Variants in ARHGAP39 observed in about 807,000 individuals in gnomAD.
ARHGAP39 encodes Rho GTPase activating protein 39, also known as rho GTPase-activating protein 39.
In ARHGAP39, 44 loss-of-function variants were observed where a neutral mutation model predicts 106.9. That is an observed-to-expected ratio of 0.41 (90% CI 0.32 to 0.53). The LOEUF is 0.53. Among genes scored for constraint, ARHGAP39 ranks in the 20% least tolerant of loss-of-function variants. The pLI, the probability that ARHGAP39 is intolerant of heterozygous loss-of-function variation, is 0.21. For synonymous variants in ARHGAP39, 768 were observed against 693.2 expected (o/e 1.11, Z -1.69); for missense variants, 1,496 against 1,577.3 (o/e 0.95, Z 0.87).
At chr8:144,567,340 T>C (rs1256351016) in intron 3 of ARHGAP39, among the ~76,000 whole-genome samples, 1 of 152,224 alleles carries the variant, frequency 6.6e-6, no homozygotes, top group Non-Finnish European at 1.5e-5. Flanking sequence ...GCGAGCCTTC[T>C]GTTATGCCCA....
chr8:144,541,778 A>G (rs994789317), intron 6 of ARHGAP39, among the ~76,000 whole-genome samples: 3 of 152,144 alleles, frequency 2.0e-5, no homozygotes, highest in Non-Finnish European at 4.4e-5. Context: ...GATCCTTGTC[A>G]TGTTCCCACC....
rs548905999 is a variant in ARHGAP39, at chr8:144,602,475, G to T, written c.80+3060C>A. Among the ~76,000 whole-genome samples the T allele has an allele frequency of 2.1e-5, 3 of 144,646 alleles. No individual in the cohort carries two copies. The South Asian group carries it at 6.8e-4, about 33-fold the overall frequency. 94.9% of individuals were successfully genotyped at this position (144,646 alleles called of 152,430 possible). A position where few individuals can be genotyped will look rare whatever the true frequency, so the allele number is the denominator to read the frequency against. ...CGAGCTCGTGTACCTGTGCATGTGC[G>T]TGGTGTGTGCGCGAGCTCATGTATC... is the stretch of plus-strand genomic sequence containing the variant. On this transcript the variant is annotated intron_variant, in intron 2 of 11. Transcript: ENST00000377307.
chr8:144,602,814 GTGTGCT>G, intron 2 of ARHGAP39, among the ~76,000 whole-genome samples: 1 of 144,834 alleles, frequency 6.9e-6, no homozygotes, highest in Non-Finnish European at 1.5e-5. Flanking sequence ...ATGGAGGCGT[GTGTGCT>G]CGTGTACCTG....
In ARHGAP39 at chr8:144,585,111, G is replaced by GCT. The variant is rs1478227272; in HGVS notation, c.81-3835_81-3834insAG. On this transcript the variant is annotated intron_variant, in intron 2 of 11. Coordinates refer to ENST00000377307, the MANE Select transcript of ARHGAP39 (RefSeq NM_025251.3). This position sits in a 1 kb window ranked among gnomAD's most constrained non-coding sequence, Gnocchi z 4.6. ...CTCGTCCAGGTGTCTGAAGGGCTTAGACGCCCTCTCCCGATTGGCCCTGTG... is the reference window on the plus strand; with the variant it reads ...CTCGTCCAGGTGTCTGAAGGGCTTAGCTACGCCCTCTCCCGATTGGCCCTGTG... 3.9e-5 allele frequency among the ~76,000 whole-genome samples: 6 copies of GCT among 152,268 alleles called. No homozygotes were observed. The highest frequency in any genetic ancestry group is 3.3e-4 in the Admixed American group (5 of 15,308).
At chr8:144,667,216 C>A (rs1278870229) in intron 1 of ARHGAP39, among the ~76,000 whole-genome samples, 5 of 152,346 alleles carry the variant, frequency 3.3e-5, no homozygotes, top group African/African-American at 9.6e-5. Flanking sequence ...AGCCTGGATG[C>A]CCTCCTGCTC....
chr8:144,543,413 A>T (rs553724760), intron 6 of ARHGAP39, among the ~76,000 whole-genome samples: 1 of 152,346 alleles, frequency 6.6e-6, no homozygotes, highest in Non-Finnish European at 1.5e-5. Context: ...TTCTGGGCTC[A>T]GGGCCAATCA....
At chr8:144,650,820 G>A (rs1222974033) in intron 1 of ARHGAP39, among the ~76,000 whole-genome samples, 1 of 152,130 alleles carries the variant, frequency 6.6e-6, no homozygotes, top group Non-Finnish European at 1.5e-5. Context: ...AAAGCTGGAA[G>A]CATTCCCCTT....
intron 7 of ARHGAP39, 72 bp from the exon 8 acceptor site, chr8:144,534,274 C>G (rs1816863130): frequency 6.4e-7 from 1 of 1,562,088 alleles, no homozygotes; most frequent in Non-Finnish European, 8.8e-7. Flanking sequence ...GGTGAGCAGA[C>G]ACAGCTCCTT....
At chr8:144,689,230 C>CT (rs1297255600), upstream of ARHGAP39, among the ~76,000 whole-genome samples, 1,247 of 146,482 alleles carry the variant, frequency 8.5e-3, 4 homozygotes, top group African/African-American at 0.02. Context: ...GCAAGTTTGA[C>CT]TTTTTTTTTT....
chr8:144,602,554 G>A lies in ARHGAP39; in HGVS notation c.80+2981C>T, dbSNP rs533213128. 3.2e-3 allele frequency among the ~76,000 whole-genome samples: 453 copies of A among 143,402 alleles called. 1 individual carries two copies. The highest frequency in any genetic ancestry group is 5.3e-3 in the Non-Finnish European group (349 of 65,932). The allele number at this position is 143,402 out of a possible 152,430, so 94.1% of individuals were successfully genotyped here. On this transcript the variant is annotated intron_variant, in intron 2 of 11. Coordinates refer to ENST00000377307, the MANE Select transcript of ARHGAP39 (RefSeq NM_025251.3). Reference sequence around the variant, plus strand: ...CGTGTACCTGTGTGTGCATGGAGGCGTGCGTGCGAGCTCGTGTACCTGTGT... The same window carrying A: ...CGTGTACCTGTGTGTGCATGGAGGCATGCGTGCGAGCTCGTGTACCTGTGT...
At position 144,547,938 on chromosome 8, in the gene ARHGAP39, A is replaced by G; in HGVS notation, c.1148T>C (p.Leu383Pro). The G allele has an allele frequency of 1.3e-6, 2 of 1,594,420 alleles. No individual in the cohort carries two copies. The highest frequency in any genetic ancestry group is 1.7e-5 in the Admixed American group (1 of 57,372). ...GCCGGCGGGACTGTACTCCAGGCTC[A>G]GGAAGCGCTCGGGACACTTCTGCTT... ...LTKQKCPERFLSLEYSPAGKE... is the reference protein window; with the variant it reads ...LTKQKCPERFPSLEYSPAGKE... Residue 383 changes from leucine to proline, a missense_variant, in exon 5 of 12, where the codon CTG becomes CCG. By Grantham distance (98) the Leu-to-Pro change is moderately conservative. Around this residue, in one of 4 missense-constraint regions of ARHGAP39, gnomAD observed 905 missense variants for 816.4 expected, o/e 1.11. Coordinates refer to ENST00000377307, the MANE Select transcript of ARHGAP39 (RefSeq NM_025251.3). The surrounding 1 kb of genome is among the most constrained non-coding windows in gnomAD (Gnocchi z 5.2).
intron 1 of ARHGAP39, among the ~76,000 whole-genome samples, chr8:144,616,228 G>A (rs917072471): frequency 9.9e-5 from 15 of 152,236 alleles, no homozygotes; most frequent in African/African-American, 3.4e-4. Context: ...CCTTTAGGAC[G>A]CATGGACCTG....
At chr8:144,562,221 G>A (rs1818206640) in intron 3 of ARHGAP39, among the ~76,000 whole-genome samples, 1 of 142,224 alleles carries the variant, frequency 7.0e-6, no homozygotes, top group Non-Finnish European at 1.5e-5. Context: ...GTTTCCATTG[G>A]ACTCACCCCA....
chr8:144,570,200 G>A (rs897277029), intron 3 of ARHGAP39, among the ~76,000 whole-genome samples: 3 of 152,204 alleles, frequency 2.0e-5, no homozygotes, highest in African/African-American at 4.8e-5. Flanking sequence ...CAGCCCGAGT[G>A]ACAAGAGTGA....
Position 144,684,446 on chromosome 8 carries a change from G to A in ARHGAP39, c.-82+1240C>T, listed in dbSNP as rs1030893896. ...GACAAATCTCCGTATTGTTGTACCA[G>A]GAGGCACGAGAAGCCTCACCACTGT... On this transcript the variant is annotated intron_variant, in intron 1 of 11. Transcript: ENST00000377307. This position sits in a 1 kb window ranked among gnomAD's most constrained non-coding sequence, Gnocchi z 4.4. Among the ~76,000 whole-genome samples the A allele has an allele frequency of 6.6e-6, 1 of 152,174 alleles. No individual in the cohort carries two copies. The highest frequency in any genetic ancestry group is 1.5e-5 in the Non-Finnish European group (1 of 68,044).
chr8:144,679,320 C>T lies in ARHGAP39; in HGVS notation c.-82+6366G>A, dbSNP rs538946213. 5.9e-5 allele frequency among the ~76,000 whole-genome samples: 9 copies of T among 152,298 alleles called. No homozygotes were observed. In the East Asian group the frequency reaches 1.2e-3, roughly 20 times the overall value. ...CTGTACGTCACACCCTGCTTTGGTC[C>T]GTGGACCCTGAGATGCCAGTCCAGG... On this transcript the variant is annotated intron_variant, in intron 1 of 11. Transcript: ENST00000377307. This position sits in a 1 kb window ranked among gnomAD's most constrained non-coding sequence, Gnocchi z 4.7.
intron 2 of ARHGAP39, among the ~76,000 whole-genome samples, chr8:144,601,514 G>C (rs1819943406): frequency 6.7e-6 from 1 of 148,602 alleles, no homozygotes; most frequent in African/African-American, 2.5e-5. Flanking sequence ...GGAGGCATGT[G>C]TGTGCTCATG....
rs62638052 is a variant in ARHGAP39 at position 144,602,154 on chromosome 8, T to G, written c.80+3381A>C. ...GTGTGTGCGAGCTCATGTACCTGTG[T>G]GTGTGTGCGTGGAGGCGTGTGTGCT... On this transcript the variant is annotated intron_variant, in intron 2 of 11. Transcript: ENST00000377307. Among the ~76,000 whole-genome samples, 42 of 136,114 alleles carry G rather than the reference T, an allele frequency of 3.1e-4. 1 individual carries two copies. The East Asian group carries it at 9.0e-3, about 29-fold the overall frequency. The allele number at this position is 136,114 out of a possible 152,430, so 89.3% of individuals were successfully genotyped here.
intron 1 of ARHGAP39, among the ~76,000 whole-genome samples, chr8:144,630,724 G>C (rs1297807840): frequency 6.6e-6 from 1 of 152,244 alleles, no homozygotes; most frequent in Non-Finnish European, 1.5e-5. Context: ...TGAGGGCCTG[G>C]CCTTTCCCTC....
Sources: allele counts gnomAD v4.1 joint callset (sites outside exome capture counted in the v4.1 genomes callset), GRCh38; gene constraint gnomAD v4.1.1; regional missense constraint gnomAD v4.1.1; non-coding constraint Gnocchi (gnomAD v3.1); transcripts MANE v1.5; gene names NCBI Gene and HGNC (gene_info 2026-07-23, HGNC 2026-07-21).